The following UBE2G1 variants were observed in gnomAD, a reference collection of about 807,000 sequenced individuals.
UBE2G1 encodes the protein ubiquitin-conjugating enzyme E2 G1.
UBE2G1 carries 5 observed loss-of-function variants against 22.7 expected under a neutral mutation model. That is an observed-to-expected ratio of 0.22 (90% CI 0.12 to 0.46). The LOEUF is 0.46. UBE2G1 is among the 20% of genes least tolerant of loss of function. UBE2G1 has a pLI of 0.99. For synonymous variants in UBE2G1, 74 were observed against 67.5 expected (o/e 1.10, Z -0.47); for missense variants, 88 against 203.9 (o/e 0.43, Z 3.46).
intron 1 of UBE2G1, among the ~76,000 whole-genome samples, chr17:4,347,802 T>C (rs533050384): frequency 1.3e-5 from 2 of 152,216 alleles, no homozygotes; most frequent in Admixed American, 1.3e-4. Flanking sequence ...ACTATATTTG[T>C]TATGGTGATC....
chr17:4,340,894 T>TAAA (rs778447316), intron 1 of UBE2G1, among the ~76,000 whole-genome samples: 3,207 of 110,754 alleles, frequency 0.029, 209 homozygotes, highest in African/African-American at 0.12. Flanking sequence ...TTCACGTATT[T>TAAA]AAAAAAAAAA....
At chr17:4,294,268 T>C (rs1437925596) in intron 3 of UBE2G1, among the ~76,000 whole-genome samples, 1 of 151,904 alleles carries the variant, frequency 6.6e-6, no homozygotes, top group Non-Finnish European at 1.5e-5. Context: ...ATACAAAAAT[T>C]AGCCAGGCGT....
chr17:4,361,269 G>A lies in UBE2G1; in HGVS notation c.46+5002C>T, dbSNP rs543647911. ...AGGCCAGGGGTGGTGGCTCACGCCAGTAATCCCAGCACTTTGGGAGGCCAA... is the reference window on the plus strand; with the variant it reads ...AGGCCAGGGGTGGTGGCTCACGCCAATAATCCCAGCACTTTGGGAGGCCAA... On this transcript the variant is annotated intron_variant, in intron 1 of 5. Coordinates refer to ENST00000396981, the MANE Select transcript of UBE2G1 (RefSeq NM_003342.5). 2.7e-5 allele frequency among the ~76,000 whole-genome samples: 4 copies of A among 148,934 alleles called. No individual in the cohort carries two copies. In the East Asian group the frequency reaches 8.1e-4, roughly 30 times the overall value.
At chr17:4,288,724 T>A (rs1186665468) in intron 4 of UBE2G1, among the ~76,000 whole-genome samples, 1 of 152,184 alleles carries the variant, frequency 6.6e-6, no homozygotes, top group African/African-American at 2.4e-5. Context: ...TACATCCTAA[T>A]AACGACGTAT....
intron 1 of UBE2G1, among the ~76,000 whole-genome samples, chr17:4,325,064 G>T (rs1202725889): frequency 6.6e-6 from 1 of 151,236 alleles, no homozygotes; most frequent in Non-Finnish European, 1.5e-5. Context: ...GGGACAGAGC[G>T]AGACTCCGTC....
intron 1 of UBE2G1, among the ~76,000 whole-genome samples, chr17:4,326,674 AAAC>A (rs1230364954): frequency 6.6e-6 from 1 of 152,242 alleles, no homozygotes; most frequent in East Asian, 1.9e-4. Context: ...CAAAACGTGG[AAAC>A]AACCCAATTG....
chr17:4,303,160 A>T (rs953128430), intron 2 of UBE2G1, among the ~76,000 whole-genome samples: 3 of 152,124 alleles, frequency 2.0e-5, no homozygotes, highest in African/African-American at 7.2e-5. Context: ...GTCTCTTTCT[A>T]CTCACAACCA....
chr17:4,294,449 CGAAAA>C (rs1352702492), intron 3 of UBE2G1, among the ~76,000 whole-genome samples: 81 of 69,418 alleles, frequency 1.2e-3, no homozygotes, highest in African/African-American at 3.8e-3. Flanking sequence ...AAGAAAGAAA[CGAAAA>C]GAAAAGAAAA....
At chr17:4,294,783 G>A (rs1311246484) in intron 3 of UBE2G1, among the ~76,000 whole-genome samples, 2 of 152,144 alleles carry the variant, frequency 1.3e-5, no homozygotes, top group East Asian at 3.8e-4. Context: ...GGGTGTGGTG[G>A]CGTGTCCCTG....
intron 1 of UBE2G1, 96 bp downstream of exon 1, chr17:4,366,175 G>C: frequency 7.5e-7 from 1 of 1,330,984 alleles, no homozygotes; most frequent in Non-Finnish European, 9.9e-7. Context: ...GGGCCCCTTC[G>C]GCAGTACGGC....
chr17:4,295,118 G>A (rs902326787), intron 3 of UBE2G1, among the ~76,000 whole-genome samples: 2 of 152,112 alleles, frequency 1.3e-5, no homozygotes. Flanking sequence ...CTTCGAAATA[G>A]GTGCAAAACG....
At chr17:4,305,542 C>T (rs994630794) in intron 2 of UBE2G1, among the ~76,000 whole-genome samples, 5 of 152,220 alleles carry the variant, frequency 3.3e-5, no homozygotes, top group African/African-American at 4.8e-5. Context: ...AGACCAGAGA[C>T]GGTTTTGTTT....
chr17:4,338,157 G>C (rs553929226), intron 1 of UBE2G1, among the ~76,000 whole-genome samples: 1 of 147,866 alleles, frequency 6.8e-6, no homozygotes, highest in Non-Finnish European at 1.5e-5. Context: ...GCGACAGAGC[G>C]AGACTCCATC....
chr17:4,351,376 G>A (rs1168735815), intron 1 of UBE2G1, among the ~76,000 whole-genome samples: 1 of 152,190 alleles, frequency 6.6e-6, no homozygotes, highest in East Asian at 1.9e-4. Context: ...AGGGTAGCAG[G>A]CAACACAATA....
intron 5 of UBE2G1, 58 bp downstream of exon 5, chr17:4,282,740 C>G (rs774788985): frequency 2.6e-6 from 3 of 1,174,740 alleles, no homozygotes; most frequent in Non-Finnish European, 3.6e-6. Context: ...ACACAATTTC[C>G]AAAAACTAAT....
intron 1 of UBE2G1, among the ~76,000 whole-genome samples, chr17:4,361,230 A>C (rs1969962995): frequency 6.7e-6 from 1 of 149,220 alleles, no homozygotes; most frequent in African/African-American, 2.5e-5. Context: ...GTTGGGAAAA[A>C]AAAAATGCAA....
At chr17:4,297,019 G>A (rs1969120487) in intron 2 of UBE2G1, among the ~76,000 whole-genome samples, 1 of 152,182 alleles carries the variant, frequency 6.6e-6, no homozygotes, top group African/African-American at 2.4e-5. Flanking sequence ...ACTTTCAAGA[G>A]AGCTGGTAAA....
intron 2 of UBE2G1, among the ~76,000 whole-genome samples, chr17:4,298,181 C>G (rs529737722): frequency 6.6e-6 from 1 of 152,118 alleles, no homozygotes; most frequent in Admixed American, 6.5e-5. Context: ...AGTGGGAGGC[C>G]GGACACAGTG....
intron 5 of UBE2G1, among the ~76,000 whole-genome samples, chr17:4,273,906 T>C (rs28756069): frequency 0.55 from 83,707 of 152,068 alleles, 26,116 homozygotes; most frequent in East Asian, 0.8. Flanking sequence ...AAGCCAAATA[T>C]ACCTAAAGAG....
Sources: allele counts gnomAD v4.1 joint callset (sites outside exome capture counted in the v4.1 genomes callset), GRCh38; gene constraint gnomAD v4.1.1; transcripts MANE v1.5; gene names NCBI Gene and HGNC (gene_info 2026-07-23, HGNC 2026-07-21).